Variants in POLR1D observed in about 807,000 individuals in gnomAD.
POLR1D encodes the protein RNA polymerase I and III subunit D.
POLR1D carries 8 observed loss-of-function variants against 10.8 expected under a neutral mutation model. The ratio of observed to expected loss-of-function variants is 0.74; its 90% CI spans 0.43 to 1.33. The LOEUF is 1.33. POLR1D is among the 40% of genes most tolerant of loss of function. POLR1D has a pLI of 0.01. For synonymous variants in POLR1D, 54 were observed against 57.2 expected (o/e 0.94, Z 0.25); for missense variants, 152 against 161.7 (o/e 0.94, Z 0.32).
chr13:27,665,758 T>C (rs991076722), exon 3 of POLR1D: 9 of 1,613,600 alleles, frequency 5.6e-6, no homozygotes, highest in South Asian at 1.1e-5. Flanking sequence ...TGCCCTCTCA[T>C]AAAGAGCAAG....
intron 1 of POLR1D, among the ~76,000 whole-genome samples, chr13:27,645,707 C>CT (rs1048146503): frequency 4.6e-5 from 7 of 152,142 alleles, no homozygotes; most frequent in African/African-American, 1.7e-4. Flanking sequence ...GACAAGCTGA[C>CT]TGAGTGCCCT....
At chr13:27,664,851 T>C (rs1188234415) in intron 2 of POLR1D, 2 of 152,236 alleles carry the variant, frequency 1.3e-5, no homozygotes, top group African/African-American at 4.8e-5. Context: ...AGCATACTCC[T>C]AAAGTAGCCC....
Position 27,623,037 on chromosome 13 carries a change from G to T in POLR1D, c.189G>T (p.Pro63=), listed in dbSNP as rs201796232. 6.2e-7 allele frequency: 1 copy of T among 1,614,008 alleles called. No homozygotes were observed. The highest frequency in any genetic ancestry group is 8.5e-7 in the Non-Finnish European group (1 of 1,179,914). ...NSLRYMIMKN[P]EVEFCGYTTT... ...TACGTTACATGATCATGAAGAACCC[G>T]GAAGTGGAATTTTGTGGTTACACTA... The change falls in exon 2 of 2, where the codon CCG becomes CCT. Residue 63 remains proline (P), a synonymous_variant. Coordinates refer to ENST00000302979, the MANE Select transcript of POLR1D (RefSeq NM_015972.4).
chr13:27,627,282 T>G (rs1453273844), downstream of POLR1D, among the ~76,000 whole-genome samples: 2 of 119,468 alleles, frequency 1.7e-5, no homozygotes, highest in Non-Finnish European at 3.9e-5. Flanking sequence ...GTGGGTCTGG[T>G]TTTTTTTTTT....
At chr13:27,640,930 A>G (rs1366516782) in intron 1 of POLR1D, among the ~76,000 whole-genome samples, 1 of 152,148 alleles carries the variant, frequency 6.6e-6, no homozygotes, top group African/African-American at 2.4e-5. Context: ...TAAGTAATCT[A>G]TTATTACTAA....
intron 2 of POLR1D, among the ~76,000 whole-genome samples, chr13:27,655,119 C>T (rs2138564926): frequency 6.6e-6 from 1 of 152,230 alleles, no homozygotes; most frequent in South Asian, 2.1e-4. Context: ...AGGATGTCTA[C>T]CCATAGTGGT....
Position 27,621,899 on chromosome 13 carries a change from T to C in POLR1D, c.-85T>C. 1 of 1,445,722 alleles carries C rather than the reference T, an allele frequency of 6.9e-7. No homozygotes were observed. Among genetic ancestry groups the C allele is most frequent in the African/African-American group, 1.4e-5 (1 of 71,504 alleles). The allele number at this position is 1,445,722 out of a possible 1,614,324, so 89.6% of individuals were successfully genotyped here. On this transcript the variant is annotated 5_prime_UTR_variant, in exon 1 of 2. Coordinates refer to ENST00000302979, the MANE Select transcript of POLR1D (RefSeq NM_015972.4). ...CGCCTTCCGTCGGTCGGTCCTTGCT[T>C]CCTGCTTCGCCTCCGCGCCTCGCGC...
intron 2 of POLR1D, among the ~76,000 whole-genome samples, chr13:27,653,976 A>G (rs1402850478): frequency 6.6e-6 from 1 of 152,214 alleles, no homozygotes; most frequent in African/African-American, 2.4e-5. Context: ...CCAGTAGGTG[A>G]TACTAAAGTT....
At chr13:27,666,118 AGCAACTCTTGAGGAAACAAGTGCAAAGG>A (rs1256906054) in exon 3 of POLR1D, 142 of 633,736 alleles carry the variant, frequency 2.2e-4, no homozygotes, top group African/African-American at 2.0e-3. Context: ...AAAATGACCT[AGCAACTCTTGAGGAAACAAGTGCAAAGG>A]AGGATGTCTT....
At chr13:27,620,959 T>C (rs1337650380), upstream of POLR1D, 1 of 152,696 alleles carries the variant, frequency 6.5e-6, no homozygotes, top group South Asian at 2.1e-4. Context: ...AGAAACGTAG[T>C]TGCGCTGGAC....
At chr13:27,631,992 G>A (rs1296443134) in intron 1 of POLR1D, among the ~76,000 whole-genome samples, 2 of 152,176 alleles carry the variant, frequency 1.3e-5, no homozygotes, top group Admixed American at 6.5e-5. Flanking sequence ...TCAGTGGGAG[G>A]AGGAGCTGAG....
At chr13:27,637,128 G>T (rs7331754) in intron 1 of POLR1D, among the ~76,000 whole-genome samples, 209 of 152,210 alleles carry the variant, frequency 1.4e-3, no homozygotes, top group African/African-American at 4.5e-3. Context: ...ATCATCGATT[G>T]TATTACTCTC....
chr13:27,657,779 A>G (rs1473203913), intron 2 of POLR1D, among the ~76,000 whole-genome samples: 1 of 152,186 alleles, frequency 6.6e-6, no homozygotes, highest in East Asian at 1.9e-4. Context: ...TATCTCTCTC[A>G]TAATGTTCAC....
intron 1 of POLR1D, among the ~76,000 whole-genome samples, chr13:27,646,782 A>C (rs1475095092): frequency 6.6e-6 from 1 of 152,190 alleles, no homozygotes; most frequent in South Asian, 2.1e-4. Context: ...AAAAAAGTTG[A>C]AATTGTTTTC....
Position 27,621,963 on chromosome 13 carries a change from G to A in POLR1D, c.-21G>A, listed in dbSNP as rs2232680. The A allele has an allele frequency of 4.1e-3, 6,441 of 1,590,158 alleles. 24 individuals are homozygous for A. The highest frequency in any genetic ancestry group is 4.7e-3 in the Non-Finnish European group (5,480 of 1,168,250). ...CCCCGATCCGCCAGCACCACCTGAGGATCCAGAAACCGCCCCAGCGATGGA... is the reference window on the plus strand; with the variant it reads ...CCCCGATCCGCCAGCACCACCTGAGAATCCAGAAACCGCCCCAGCGATGGA... On this transcript the variant is annotated 5_prime_UTR_variant, in exon 1 of 2. Coordinates refer to ENST00000302979, the MANE Select transcript of POLR1D (RefSeq NM_015972.4).
intron 2 of POLR1D, among the ~76,000 whole-genome samples, chr13:27,649,593 G>A (rs1956249215): frequency 6.6e-6 from 1 of 152,006 alleles, no homozygotes; most frequent in South Asian, 2.1e-4. Flanking sequence ...ATTTTAAAGA[G>A]CTACAAATAT....
At chr13:27,627,727 G>GTTTTTTTTTTTTTTTTTTTTTTTTTT (rs57621806), downstream of POLR1D, among the ~76,000 whole-genome samples, 3 of 95,424 alleles carry the variant, frequency 3.1e-5, no homozygotes, top group African/African-American at 3.7e-5. Context: ...TAAAGTTTTA[G>GTTTTTTTTTTTTTTTTTTTTTTTTTT]TTTTTTTTTT....
intron 2 of POLR1D, chr13:27,650,154 G>T (rs1422917166): frequency 2.5e-6 from 1 of 397,714 alleles, no homozygotes; most frequent in Non-Finnish European, 4.4e-6. Flanking sequence ...CAGCATCAGT[G>T]TGTGATAATA....
At chr13:27,658,052 G>A (rs994185345) in intron 2 of POLR1D, among the ~76,000 whole-genome samples, 1 of 152,158 alleles carries the variant, frequency 6.6e-6, no homozygotes, top group Non-Finnish European at 1.5e-5. Flanking sequence ...GTGTATGTGA[G>A]AAACTTTTAA....
Sources: gnomAD v4.1 joint callset for allele counts (sites outside exome capture counted in the v4.1 genomes callset) on GRCh38, gnomAD v4.1.1 for gene constraint, MANE v1.5 for transcripts, NCBI Gene and HGNC (gene_info 2026-07-23, HGNC 2026-07-21) for gene names.